UNC13C: variants seen among roughly 807,000 people sequenced by gnomAD.
The protein encoded by UNC13C is unc-13 homolog C, also known as protein unc-13 homolog C.
UNC13C carries 174 observed loss-of-function variants against 245.4 expected under a neutral mutation model. The ratio of observed to expected loss-of-function variants is 0.71; its 90% CI spans 0.63 to 0.80. The LOEUF (loss-of-function observed/expected upper bound fraction) is 0.80, where lower values mean the gene tolerates loss of function less well. Among genes scored for constraint, UNC13C ranks in the 30% least tolerant of loss-of-function variants. The probability of loss-of-function intolerance (pLI) is 0.00; values close to 1 mark genes in which losing one functional copy is unlikely to be tolerated. For synonymous variants in UNC13C, 992 were observed against 895.1 expected (o/e 1.11, Z -1.93); for missense variants, 2,829 against 2,602.9 (o/e 1.09, Z -1.89).
intron 10 of UNC13C, among the ~76,000 whole-genome samples, chr15:54,270,164 T>C (rs11630774): frequency 0.18 from 28,136 of 152,120 alleles, 2,833 homozygotes; most frequent in East Asian, 0.25. Context: ...ATCATAAAAA[T>C]GGCATGAGAA....
intron 24 of UNC13C, among the ~76,000 whole-genome samples, chr15:54,523,268 T>C (rs901782098): frequency 7.9e-5 from 12 of 152,208 alleles, no homozygotes; most frequent in African/African-American, 2.7e-4. Flanking sequence ...TTATGCTCAT[T>C]ATTGAAAAAG....
chr15:54,271,702 T>C (rs2036691856), intron 10 of UNC13C, among the ~76,000 whole-genome samples: 1 of 152,226 alleles, frequency 6.6e-6, no homozygotes, highest in Non-Finnish European at 1.5e-5. Context: ...AGATATGTGT[T>C]ACTTAATCTG....
Position 54,130,308 on chromosome 15 carries a change from T to TTTTTTTTG in UNC13C, c.2984-12710_2984-12709insTTTTTTTG, listed in dbSNP as rs67637704. Among the ~76,000 whole-genome samples the TTTTTTTTG allele has an allele frequency of 3.5e-4, 42 of 119,498 alleles. 1 individual carries two copies. Among genetic ancestry groups the TTTTTTTTG allele is most frequent in the Admixed American group, 5.7e-4 (6 of 10,488 alleles). 78.4% of individuals were successfully genotyped at this position (119,498 alleles called of 152,430 possible). On this transcript the variant is annotated intron_variant, in intron 2 of 32. Transcript: ENST00000260323. ...ATTAATTTTTTTTTTTTTTTTTTTT[T>TTTTTTTTG]GTGAGACGGAGTCTCAGTCTGTCTC...
chr15:54,238,474 T>C (rs533114829), intron 7 of UNC13C, among the ~76,000 whole-genome samples: 1 of 152,292 alleles, frequency 6.6e-6, no homozygotes, highest in East Asian at 1.9e-4. Context: ...AATTATTATA[T>C]CCCACAGGTT....
chr15:54,281,100 C>A (rs2036984550), intron 10 of UNC13C, among the ~76,000 whole-genome samples: 1 of 152,134 alleles, frequency 6.6e-6, no homozygotes, highest in Non-Finnish European at 1.5e-5. Flanking sequence ...GCCCGGCCAA[C>A]ACTCAATATT....
chr15:54,457,892 G>GTTT lies in UNC13C; in HGVS notation c.4934-36705_4934-36703dup, dbSNP rs34133938. On this transcript the variant is annotated intron_variant, in intron 19 of 32. Coordinates refer to ENST00000260323, the MANE Select transcript of UNC13C (RefSeq NM_001080534.3). Reference sequence around the variant, plus strand: ...TTCATGTAGTTCTGCTCTGCTTTTCGTTTTTTTTTTTTTCCTTTTTTTTTT... The same window carrying GTTT: ...TTCATGTAGTTCTGCTCTGCTTTTCGTTTTTTTTTTTTTTTTCCTTTTTTTTTT... Among the ~76,000 whole-genome samples, 365 of 122,948 alleles carry GTTT rather than the reference G, an allele frequency of 3.0e-3. 4 individuals are homozygous for GTTT. The highest frequency in any genetic ancestry group is 7.7e-3 in the African/African-American group (245 of 32,022). 80.7% of individuals were successfully genotyped at this position (122,948 alleles called of 152,430 possible).
intron 2 of UNC13C, among the ~76,000 whole-genome samples, chr15:54,018,883 T>C (rs1220845807): frequency 6.6e-6 from 1 of 152,154 alleles, no homozygotes; most frequent in East Asian, 1.9e-4. Flanking sequence ...TGAGTTAATA[T>C]GTGTTGGATA....
At chr15:54,447,740 AT>A (rs1382673621) in intron 19 of UNC13C, among the ~76,000 whole-genome samples, 1 of 151,938 alleles carries the variant, frequency 6.6e-6, no homozygotes, top group Non-Finnish European at 1.5e-5. Context: ...GGATTCCCTG[AT>A]TTTTTGAAGG....
intron 19 of UNC13C, among the ~76,000 whole-genome samples, chr15:54,455,295 A>G (rs572905660): frequency 2.2e-4 from 31 of 142,940 alleles, no homozygotes; most frequent in Admixed American, 3.7e-4. Context: ...TATTTTTGCA[A>G]TCGCAAATTG....
At chr15:54,247,707 A>T (rs993169376) in intron 7 of UNC13C, among the ~76,000 whole-genome samples, 1 of 150,896 alleles carries the variant, frequency 6.6e-6, no homozygotes, top group Non-Finnish European at 1.5e-5. Context: ...AAATATTGGG[A>T]TTTGTTTCAG....
At chr15:53,986,899 A>G (rs1894167239) in intron 1 of UNC13C, among the ~76,000 whole-genome samples, 1 of 149,280 alleles carries the variant, frequency 6.7e-6, no homozygotes, top group East Asian at 2.0e-4. Flanking sequence ...TGAAATGGAA[A>G]GACACTCTGA....
intron 19 of UNC13C, among the ~76,000 whole-genome samples, chr15:54,483,511 T>C (rs55939838): frequency 0.028 from 4,245 of 152,282 alleles, 63 homozygotes; most frequent in African/African-American, 0.045. Flanking sequence ...CTTTTCTTTT[T>C]TTTGAGATGG....
At chr15:54,145,749 A>G (rs182690393) in intron 4 of UNC13C, among the ~76,000 whole-genome samples, 1 of 152,358 alleles carries the variant, frequency 6.6e-6, no homozygotes, top group Admixed American at 6.5e-5. Flanking sequence ...GATGTTATAG[A>G]TTCTGCACCT....
chr15:54,203,752 A>G (rs1449642348), intron 4 of UNC13C, among the ~76,000 whole-genome samples: 2 of 101,076 alleles, frequency 2.0e-5, no homozygotes, highest in Non-Finnish European at 5.0e-5. Flanking sequence ...ATATGTATAT[A>G]TACACATATA....
rs1005899073 is a variant in UNC13C at position 54,305,174 on chromosome 15, T to C, written c.4268+4801T>C. 1.8e-4 allele frequency among the ~76,000 whole-genome samples: 27 copies of C among 152,074 alleles called. 1 individual carries two copies. Among genetic ancestry groups the C allele is most frequent in the Admixed American group, 1.2e-3 (18 of 15,248 alleles). On this transcript the variant is annotated intron_variant, in intron 13 of 32. Transcript: ENST00000260323. ...TGAGGGAATCAGAGGCAGAAGCTGT[T>C]TATCAGAATTACATTTATTTTTACC...
At chr15:54,055,884 C>T (rs186734190) in intron 2 of UNC13C, among the ~76,000 whole-genome samples, 1 of 152,002 alleles carries the variant, frequency 6.6e-6, no homozygotes, top group African/African-American at 2.4e-5. Context: ...TTTCAGGACA[C>T]CTGATGATGA....
the UNC13C span, among the ~76,000 whole-genome samples, chr15:53,934,118 C>T: frequency 6.6e-6 from 1 of 152,168 alleles, no homozygotes; most frequent in Non-Finnish European, 1.5e-5. Context: ...GGAGGTGCCA[C>T]ATACTTTTCA....
intron 4 of UNC13C, among the ~76,000 whole-genome samples, chr15:54,223,202 C>A (rs2140789686): frequency 6.6e-6 from 1 of 152,136 alleles, no homozygotes; most frequent in South Asian, 2.1e-4. Context: ...CCCACATTTT[C>A]TTCTAGTAGT....
the UNC13C span, among the ~76,000 whole-genome samples, chr15:53,851,514 ATCTC>A: frequency 2.7e-5 from 4 of 150,640 alleles, no homozygotes; most frequent in Admixed American, 6.6e-5. Context: ...AGTAAACAGA[ATCTC>A]TCTCTCTCTC....
Sources: allele counts gnomAD v4.1 joint callset (sites outside exome capture counted in the v4.1 genomes callset), GRCh38; gene constraint gnomAD v4.1.1; transcripts MANE v1.5; gene names NCBI Gene and HGNC (gene_info 2026-07-23, HGNC 2026-07-21).